Variants in HGS observed in about 807,000 individuals in gnomAD.
The protein encoded by HGS is hepatocyte growth factor-regulated tyrosine kinase substrate, also known as human growth factor-regulated tyrosine kinase substrate.
Under a neutral mutation model 109.7 loss-of-function variants are expected in HGS, and 63 were observed. That is an observed-to-expected ratio of 0.57 (90% confidence interval 0.47 to 0.71). The LOEUF (loss-of-function observed/expected upper bound fraction) is 0.71, where lower values mean the gene tolerates loss of function less well. HGS is among the 30% of genes least tolerant of loss of function. The probability of loss-of-function intolerance (pLI) is 0.00; values close to 1 mark genes in which losing one functional copy is unlikely to be tolerated. For missense variants in HGS, 995 were observed against 1,068.3 expected (o/e 0.93, Z 0.96); for synonymous variants, 546 against 437.3 (o/e 1.25, Z -3.10).
At position 81,691,878 on chromosome 17, in the gene HGS, G is replaced by C; in HGVS notation, c.662+307G>C. ...CTTTCGGAATAAAACTTACAGAAAAGTTGCAAGAGTAGCACAGAGAAGCTG... is the reference window on the plus strand; with the variant it reads ...CTTTCGGAATAAAACTTACAGAAAACTTGCAAGAGTAGCACAGAGAAGCTG... On this transcript the variant is annotated intron_variant, in intron 8 of 21. Transcript: ENST00000329138. The surrounding 1 kb of genome is among the most constrained non-coding windows in gnomAD (Gnocchi z 5.3). The C allele has an allele frequency of 3.4e-6, 1 of 294,568 alleles. No individual in the cohort carries two copies. The highest frequency in any genetic ancestry group is 4.8e-5 in the South Asian group (1 of 20,996). 18.2% of individuals were successfully genotyped at this position (294,568 alleles called of 1,614,324 possible). A position where few individuals can be genotyped will look rare whatever the true frequency, so the allele number is the denominator to read the frequency against.
In HGS at chr17:81,694,882, C is replaced by T. The variant is rs1342953772; in HGVS notation, c.975+29C>T. The stretch of plus-strand genomic sequence containing the variant: ...AGGCCCAGCATGGGGTGCATCCTCT[C>T]ACGGTTTCTGGCCTTGGGAGTGACC... On this transcript the variant is annotated intron_variant, in intron 12 of 21. Transcript: ENST00000329138. 6 of 1,575,856 alleles carry T rather than the reference C, an allele frequency of 3.8e-6. No homozygotes were observed. In the Admixed American group the frequency reaches 5.1e-5, roughly 13 times the overall value.
At chr17:81,699,998 C>A (rs559577626) in intron 18 of HGS, among the ~76,000 whole-genome samples, 4 of 151,212 alleles carry the variant, frequency 2.6e-5, no homozygotes, top group Non-Finnish European at 5.9e-5. Flanking sequence ...TTGCTTCAAC[C>A]CAGGAAGCAG....
intron 18 of HGS, chr17:81,697,772 A>C (rs1176643925): frequency 1.3e-5 from 2 of 151,002 alleles, no homozygotes; most frequent in Non-Finnish European, 3.0e-5. Context: ...ACTCTTCCCC[A>C]CTCTCCTGCT....
rs527953493 is a variant in HGS, at chr17:81,698,796, C to T, written c.1883-1671C>T. Among the ~76,000 whole-genome samples the T allele has an allele frequency of 1.4e-3, 208 of 152,266 alleles. 1 individual carries two copies. The highest frequency in any genetic ancestry group is 3.4e-3 in the Middle Eastern group (1 of 294). Reference sequence around the variant, plus strand: ...TAAAAACCGTGAGTGCAGCCAGGTGCGGTGGCTCATGCCTGTAATCCCAAC... The same window carrying T: ...TAAAAACCGTGAGTGCAGCCAGGTGTGGTGGCTCATGCCTGTAATCCCAAC... On this transcript the variant is annotated intron_variant, in intron 18 of 21. Transcript: ENST00000329138.
rs766338119 is a variant in HGS at position 81,695,960 on chromosome 17, C to A, written c.1354C>A (p.Gln452Lys). Residue 452 changes from glutamine (Q) to lysine (K), a missense_variant, in exon 15 of 22, where the codon CAG (glutamine) becomes AAG (lysine). Gln to Lys is a moderately conservative substitution (Grantham distance 53). Around this residue, in one of 6 missense-constraint regions of HGS, gnomAD observed 163 missense variants for 217.8 expected, o/e 0.75. Transcript: ENST00000329138. ...LFQSINGMHP[Q>K]LLELLNQLDE... Reference sequence around the variant, plus strand: ...CCAGTCCATCAACGGCATGCACCCGCAGCTGCTGGAGCTGCTCAACCAGCT... The same window carrying A: ...CCAGTCCATCAACGGCATGCACCCGAAGCTGCTGGAGCTGCTCAACCAGCT... 5 of 1,575,730 alleles carry A rather than the reference C, an allele frequency of 3.2e-6. No individual in the cohort carries two copies. Among genetic ancestry groups the A allele is most frequent in the Non-Finnish European group, 4.3e-6 (5 of 1,157,032 alleles).
At position 81,696,840 on chromosome 17, in the gene HGS, C is replaced by G; in HGVS notation, c.1724C>G (p.Ala575Gly). ...LPYAQLQAMP[A>G]AGGVLYQPSG... ...TGTCCCCAGCTCCAGGCCATGCCCG[C>G]AGCCGGAGGTGTGCTCTACCAGCCC... is the stretch of plus-strand genomic sequence containing the variant. Residue 575 changes from alanine (A) to glycine (G), a missense_variant, in exon 18 of 22, where the codon GCA becomes GGA. Around this residue, in one of 6 missense-constraint regions of HGS, gnomAD observed 326 missense variants for 309.7 expected, o/e 1.05. Coordinates refer to ENST00000329138, the MANE Select transcript of HGS (RefSeq NM_004712.5). 1 of 1,610,228 alleles carries G rather than the reference C, an allele frequency of 6.2e-7. No individual in the cohort carries two copies. Among genetic ancestry groups the G allele is most frequent in the African/African-American group, 1.3e-5 (1 of 74,994 alleles).
intron 14 of HGS, 141 bp downstream of exon 14, chr17:81,695,364 C>T: frequency 1.2e-6 from 1 of 841,442 alleles, no homozygotes; most frequent in Non-Finnish European, 1.9e-6. Flanking sequence ...CCTGGCCTGC[C>T]CTGCCCTGCC....
chr17:81,697,882 A>AGTGCTGGAGTGCACATCCAT (rs2037179649), intron 18 of HGS: 1 of 152,110 alleles, frequency 6.6e-6, no homozygotes. Context: ...GCTGTCATCC[A>AGTGCTGGAGTGCACATCCAT]GGCTGGAGTG....
At chr17:81,698,533 GAT>G (rs1440043420) in intron 18 of HGS, among the ~76,000 whole-genome samples, 1 of 152,166 alleles carries the variant, frequency 6.6e-6, no homozygotes, top group Non-Finnish European at 1.5e-5. Context: ...TCTGTTGCTA[GAT>G]ACTCTGTGCT....
chr17:81,701,468 A>T, intron 21 of HGS, 40 bp from the exon 22 acceptor site: 2 of 1,520,822 alleles, frequency 1.3e-6, no homozygotes, highest in Non-Finnish European at 1.8e-6. Flanking sequence ...TGGGCTGGGG[A>T]AGGGAGGACC....
At chr17:81,701,286 A>G in intron 21 of HGS, 155 bp downstream of exon 21, 1 of 806,400 alleles carries the variant, frequency 1.2e-6, no homozygotes, top group South Asian at 1.6e-5. Context: ...AGACAGAACG[A>G]GGACACAAGT....
intron 17 of HGS, 34 bp from the exon 18 acceptor site, chr17:81,696,790 G>T (rs2037157326): frequency 6.2e-7 from 1 of 1,603,304 alleles, no homozygotes. Context: ...GTGGGCTGAG[G>T]ACCAACTCTC....
chr17:81,686,371 C>T lies in HGS; in HGVS notation c.182C>T (p.Ala61Val), dbSNP rs774323359. 6.2e-7 allele frequency: 1 copy of T among 1,613,612 alleles called. No homozygotes were observed. Among genetic ancestry groups the T allele is most frequent in the East Asian group, 2.2e-5 (1 of 44,880 alleles). ...GTCAACGACAAGAACCCACACGTCG[C>T]CTTGTATGCCCTGGAGGTAAGCAGA... The part of the protein sequence containing the change: ...KKVNDKNPHV[A>V]LYALEVMESV... The change falls in exon 3 of 22, where the codon GCC becomes GTC. Residue 61 changes from alanine to valine, a missense_variant. Coordinates refer to ENST00000329138, the MANE Select transcript of HGS (RefSeq NM_004712.5).
At position 81,694,982 on chromosome 17, in the gene HGS, G is replaced by C. The variant is rs570671002; in HGVS notation, c.1034G>C (p.Ser345Thr). Reference protein sequence around the residue: ...WEKKQEEARKSPTPSAPVPLT... With the variant: ...WEKKQEEARKTPTPSAPVPLT... ...AAGAAGCAGGAGGAGGCTCGCAAGA[G>C]CCCCACGCCATCTGCGCCCGTGCCC... Residue 345 changes from serine (S) to threonine (T), a missense_variant, in exon 13 of 22, where the codon AGC (serine) becomes ACC (threonine). Transcript: ENST00000329138. The C allele has an allele frequency of 1.2e-6, 2 of 1,614,146 alleles. No individual in the cohort carries two copies. Among genetic ancestry groups the C allele is most frequent in the Admixed American group, 3.3e-5 (2 of 60,036 alleles).
chr17:81,684,169 G>A lies in HGS; in HGVS notation c.37+66G>A. The stretch of plus-strand genomic sequence containing the variant: ...GCAGCCTCCGCCCGGCGCTGAGTCA[G>A]CGCGGCCCCGAGGGCCCGAGGGGCG... On this transcript the variant is annotated intron_variant, in intron 1 of 21. Coordinates refer to ENST00000329138, the MANE Select transcript of HGS (RefSeq NM_004712.5). 1.5e-5 allele frequency: 21 copies of A among 1,369,250 alleles called. No homozygotes were observed. In the South Asian group the frequency reaches 3.0e-4, roughly 20 times the overall value. The allele number at this position is 1,369,250 out of a possible 1,614,324, so 84.8% of individuals were successfully genotyped here.
intron 11 of HGS, 109 bp downstream of exon 11, chr17:81,694,074 G>A (rs1348303970): frequency 6.5e-6 from 6 of 922,140 alleles, no homozygotes; most frequent in East Asian, 5.4e-5. Context: ...GCGGGTCCCC[G>A]GGCTTCCCAG....
chr17:81,688,662 T>A, intron 4 of HGS, 42 bp from the exon 5 acceptor site: 1 of 1,609,634 alleles, frequency 6.2e-7, no homozygotes, highest in Non-Finnish European at 8.5e-7. Flanking sequence ...CTCTGGCGCC[T>A]GGAGTGTCCT....
At chr17:81,685,921 C>T (rs1598743025) in intron 2 of HGS, among the ~76,000 whole-genome samples, 1 of 152,084 alleles carries the variant, frequency 6.6e-6, no homozygotes, top group African/African-American at 2.4e-5. Flanking sequence ...TTCTCAAAGA[C>T]TAAGATGGCA....
rs546581979 is a variant in HGS, at chr17:81,697,150, C to T, written c.1882+152C>T. The T allele has an allele frequency of 1.8e-5, 15 of 841,442 alleles. No individual in the cohort carries two copies. The South Asian group carries it at 2.9e-4, about 17-fold the overall frequency. The allele number at this position is 841,442 out of a possible 1,614,324, so 52.1% of individuals were successfully genotyped here. On this transcript the variant is annotated intron_variant, in intron 18 of 21. Coordinates refer to ENST00000329138, the MANE Select transcript of HGS (RefSeq NM_004712.5). ...GCTTTTTCCTGTTTCCATGCAAACG[C>T]ACTCACACAGGCTTTCCTGCTGGAG...
Sources: allele counts gnomAD v4.1 joint callset (sites outside exome capture counted in the v4.1 genomes callset), GRCh38; gene constraint gnomAD v4.1.1; regional missense constraint gnomAD v4.1.1; non-coding constraint Gnocchi (gnomAD v3.1); transcripts MANE v1.5; gene names NCBI Gene and HGNC (gene_info 2026-07-23, HGNC 2026-07-21).